Variants in ATP12A observed in about 807,000 individuals in gnomAD.
The protein encoded by ATP12A is potassium-transporting ATPase alpha chain 2.
A neutral mutation model predicts 111.2 loss-of-function variants in ATP12A; 81 were observed. The ratio of observed to expected loss-of-function variants is 0.73; its 90% confidence interval spans 0.61 to 0.88. The LOEUF (loss-of-function observed/expected upper bound fraction) is 0.88. Among genes scored for constraint, ATP12A ranks in the 40% least tolerant of loss-of-function variants. ATP12A has a pLI of 0.00. For synonymous variants in ATP12A, 498 were observed against 499.8 expected, an observed-to-expected ratio of 1.00 and a Z score of 0.05; for missense variants, 1,196 against 1,313.1, an observed-to-expected ratio of 0.91 and a Z score of 1.38.
intron 14 of ATP12A, among the ~76,000 whole-genome samples, chr13:24,704,998 CTTTT>C (rs930306375): frequency 2.0e-5 from 3 of 152,064 alleles, no homozygotes; most frequent in African/African-American, 7.2e-5. Flanking sequence ...CTCTTACTTT[CTTTT>C]GTTTTGTTTT....
intron 11 of ATP12A, among the ~76,000 whole-genome samples, chr13:24,698,342 C>T (rs1875253870): frequency 6.6e-6 from 1 of 152,056 alleles, no homozygotes; most frequent in Non-Finnish European, 1.5e-5. Context: ...AGGCTCGCAG[C>T]CCCCTAACTC....
intron 12 of ATP12A, among the ~76,000 whole-genome samples, chr13:24,699,151 C>T (rs1371251343): frequency 6.6e-6 from 1 of 152,116 alleles, no homozygotes; most frequent in Non-Finnish European, 1.5e-5. Context: ...CAGGGAACAG[C>T]ACAGGCCAAT....
rs186378575 is a variant in ATP12A, at chr13:24,689,981, C to T, written c.547-357C>T. Among the ~76,000 whole-genome samples, 320 of 152,266 alleles carry T rather than the reference C, an allele frequency of 2.1e-3. 4 individuals are homozygous for T. The highest frequency in any genetic ancestry group is 3.0e-3 in the Non-Finnish European group (204 of 68,014). ...CCAGACGCCCAGCCAGGATTGCTCACCCTTAGTGGTCTCCTTTTCTAGGAG... is the reference window on the plus strand; with the variant it reads ...CCAGACGCCCAGCCAGGATTGCTCATCCTTAGTGGTCTCCTTTTCTAGGAG... On this transcript the variant is annotated intron_variant, in intron 5 of 22. Transcript: ENST00000381946.
At chr13:24,696,285 G>A (rs999797841) in intron 11 of ATP12A, among the ~76,000 whole-genome samples, 3 of 152,124 alleles carry the variant, frequency 2.0e-5, no homozygotes, top group Non-Finnish European at 4.4e-5. Context: ...AGCAGGACTT[G>A]GAGCCCTGCT....
Position 24,707,420 on chromosome 13 carries a change from T to C in ATP12A, c.2480T>C (p.Leu827Ser), listed in dbSNP as rs758885779. The change falls in exon 17 of 23, where the codon TTG (leucine) becomes TCG (serine). Residue 827 changes from leucine (L) to serine (S), a missense_variant. This residue lies in a region of ATP12A where 1,126 missense variants were observed against 1,228.5 expected (regional missense o/e 0.92). Coordinates refer to ENST00000381946, the MANE Select transcript of ATP12A (RefSeq NM_001676.7). ...ACCATCACCATTCTGTTCATTGACT[T>C]GGGGACAGACATTGTAAGTGACACT... ...IGTITILFID[L>S]GTDIIPSIAL... 1 of 1,614,214 alleles carries C rather than the reference T, an allele frequency of 6.2e-7. No homozygotes were observed. The highest frequency in any genetic ancestry group is 1.1e-5 in the South Asian group (1 of 91,084).
rs201938406 is a variant in ATP12A, at chr13:24,692,390, T to A, written c.1069-39T>A. 1.4e-5 allele frequency: 23 copies of A among 1,598,224 alleles called. No individual in the cohort carries two copies. In the South Asian group the frequency reaches 2.4e-4, roughly 17 times the overall value. ...CTGTATTATTGGACCTGAGTTCAAA[T>A]GAGGATTTTTCCCAAAGCGTCCTTC... On this transcript the variant is annotated intron_variant, in intron 8 of 22. Coordinates refer to ENST00000381946, the MANE Select transcript of ATP12A (RefSeq NM_001676.7).
Position 24,682,361 on chromosome 13 carries a change from ATGTGTGG to A in ATP12A, c.168+655_168+661del, listed in dbSNP as rs1239406889. 8.6e-4 allele frequency among the ~76,000 whole-genome samples: 40 copies of A among 46,720 alleles called. 2 individuals carry two copies. The highest frequency in any genetic ancestry group is 3.2e-3 in the African/African-American group (37 of 11,690). The allele number at this position is 46,720 out of a possible 152,430, so 30.7% of individuals were successfully genotyped here. A position where few individuals can be genotyped will look rare whatever the true frequency, so the allele number is the denominator to read the frequency against. ...GGTGTGTGTGTAGTGTGTGGTGTAT[ATGTGTGG>A]TGTGTGGTGTGTGTGTGGTGTGTGG... On this transcript the variant is annotated intron_variant, in intron 2 of 22. Coordinates refer to ENST00000381946, the MANE Select transcript of ATP12A (RefSeq NM_001676.7).
At chr13:24,681,342 C>T (rs545751329) in intron 1 of ATP12A, among the ~76,000 whole-genome samples, 1 of 152,168 alleles carries the variant, frequency 6.6e-6, no homozygotes, top group Admixed American at 6.5e-5. Context: ...CTGGCCTGTG[C>T]CCACCCCGCC....
intron 20 of ATP12A, 42 bp from the exon 21 acceptor site, chr13:24,710,750 C>T: frequency 6.2e-7 from 1 of 1,607,980 alleles, no homozygotes; most frequent in Non-Finnish European, 8.5e-7. Context: ...GATCATGAAG[C>T]CACAAGAATC....
At position 24,688,536 on chromosome 13, in the gene ATP12A, G is replaced by GC; in HGVS notation, c.432+14_432+15insC. 5 of 1,519,184 alleles carry GC rather than the reference G, an allele frequency of 3.3e-6. No homozygotes were observed. In the South Asian group the frequency reaches 4.1e-5, roughly 12 times the overall value. 94.1% of individuals were successfully genotyped at this position (1,519,184 alleles called of 1,614,324 possible). A position where few individuals can be genotyped will look rare whatever the true frequency, so the allele number is the denominator to read the frequency against. On this transcript the variant is annotated intron_variant, in intron 4 of 22. Transcript: ENST00000381946. ...TCCCTGAACAACGTAAGGCTCTGGG[G>GC]TGTCCCCTCCTGGTTTTGCTGGCAG...
rs767088904 is a variant in ATP12A at position 24,702,071 on chromosome 13, G to A, written c.2018G>A (p.Arg673Gln). 2.5e-6 allele frequency: 4 copies of A among 1,614,060 alleles called. No individual in the cohort carries two copies. In the South Asian group the frequency reaches 3.3e-5, roughly 13 times the overall value. ...ATTGCTGTGGAGCAAGTTAACAAAC[G>A]GTAAGCACAGGAGCAGCATAGTAAA... ...LNIAVEQVNK[R>Q]DAKAAVVTGM... The change falls in exon 14 of 23, where the codon CGG becomes CAG. Residue 673 changes from arginine to glutamine, a missense_variant and splice_region_variant. Physicochemically the swap from Arg to Gln is conservative, Grantham distance 43 (BLOSUM62 1). This residue lies in a region of ATP12A where 1,126 missense variants were observed against 1,228.5 expected (regional missense o/e 0.92). Coordinates refer to ENST00000381946, the MANE Select transcript of ATP12A (RefSeq NM_001676.7).
chr13:24,698,581 C>T (rs1190827236), intron 11 of ATP12A, 77 bp from the exon 12 acceptor site: 3 of 1,457,012 alleles, frequency 2.1e-6, no homozygotes, highest in East Asian at 2.3e-5. Context: ...TCCTCCTTTA[C>T]ATTTAATGGA....
Position 24,701,918 on chromosome 13 carries a change from C to T in ATP12A, c.1882-17C>T, listed in dbSNP as rs1279828526. 4.3e-6 allele frequency: 7 copies of T among 1,614,022 alleles called. No homozygotes were observed. Among genetic ancestry groups the T allele is most frequent in the South Asian group, 2.2e-5 (2 of 91,066 alleles). On this transcript the variant is annotated splice_polypyrimidine_tract_variant and intron_variant, in intron 13 of 22. Coordinates refer to ENST00000381946, the MANE Select transcript of ATP12A (RefSeq NM_001676.7). Reference sequence around the variant, plus strand: ...GTTCTTCATTACCCGTGGGCCTTCTCGTTGTCTTTGCTCTAGGTTATTATG... The same window carrying T: ...GTTCTTCATTACCCGTGGGCCTTCTTGTTGTCTTTGCTCTAGGTTATTATG...
chr13:24,710,948 C>T (rs1178712777), intron 21 of ATP12A, 55 bp downstream of exon 21: 44 of 1,506,006 alleles, frequency 2.9e-5, no homozygotes, highest in Middle Eastern at 1.8e-4. Flanking sequence ...TTTGAGCTGT[C>T]GCAGCCTAAA....
chr13:24,700,864 AT>A lies in ATP12A; in HGVS notation c.1824del (p.Pro610LeufsTer71). On this transcript the variant is annotated frameshift_variant, in exon 13 of 23. Coordinates refer to ENST00000381946, the MANE Select transcript of ATP12A (RefSeq NM_001676.7). LOFTEE classifies it high-confidence loss of function. The stretch of plus-strand genomic sequence containing the variant: ...TTTGTGGGACTCTTGTCAATGATCG[AT>A]CCCCCTCGGTCCACCGTGCCAGATG... ...LCFVGLLSMI[D>X]PPRSTVPDAV... 1 of 1,614,132 alleles carries A rather than the reference AT, an allele frequency of 6.2e-7. No individual in the cohort carries two copies. Among genetic ancestry groups the A allele is most frequent in the Non-Finnish European group, 8.5e-7 (1 of 1,180,032 alleles).
rs746736150 is a variant in ATP12A at position 24,707,475 on chromosome 13, G to A, written c.2493+42G>A. 5.6e-6 allele frequency: 9 copies of A among 1,611,784 alleles called. No homozygotes were observed. The South Asian group carries it at 9.9e-5, about 18-fold the overall frequency. Reference sequence around the variant, plus strand: ...GGAACAGGCTGTGATGCCTGCCCCAGGGGAGGTCAAGTTCAGGGTCGCTAC... The same window carrying A: ...GGAACAGGCTGTGATGCCTGCCCCAAGGGAGGTCAAGTTCAGGGTCGCTAC... On this transcript the variant is annotated intron_variant, in intron 17 of 22. Transcript: ENST00000381946.
rs1229619913 is a variant in ATP12A, at chr13:24,704,686, T to C, written c.2019-1627T>C. 1.8e-4 allele frequency: 39 copies of C among 222,432 alleles called. 1 individual carries two copies. In the South Asian group the frequency reaches 2.3e-3, roughly 13 times the overall value. The allele number at this position is 222,432 out of a possible 1,614,324, so 13.8% of individuals were successfully genotyped here. Reference sequence around the variant, plus strand: ...AGAATGTGCTTCTGTCTCAGCTCTTTGGAACGAGAGAAAGACATAATCTTC... The same window carrying C: ...AGAATGTGCTTCTGTCTCAGCTCTTCGGAACGAGAGAAAGACATAATCTTC... On this transcript the variant is annotated intron_variant, in intron 14 of 22. Transcript: ENST00000381946.
Position 24,681,634 on chromosome 13 carries a change from AAGG to A in ATP12A, c.85_87del (p.Glu29del), listed in dbSNP as rs1874437732. ...CGTGAAAACAGACAAGGGGGATGGC[AAGG>A]AGAAGTATAGGGGTCTGAAGAACAA... On this transcript the variant is annotated inframe_deletion, in exon 2 of 23. Coordinates refer to ENST00000381946, the MANE Select transcript of ATP12A (RefSeq NM_001676.7). 6.2e-7 allele frequency: 1 copy of A among 1,614,216 alleles called. No homozygotes were observed. The highest frequency in any genetic ancestry group is 8.5e-7 in the Non-Finnish European group (1 of 1,180,042).
Position 24,698,732 on chromosome 13 carries a change from C to T in ATP12A, c.1587C>T (p.Ile529=), listed in dbSNP as rs2289901. ...TGATGAAGGGGGCCCCTGAGCGCAT[C>T]CTAGAGAAATGCAGCACCATCATGA... ...LMVMKGAPER[I]LEKCSTIMIN... is the part of the protein sequence containing the mutation. Residue 529 remains isoleucine, a synonymous_variant, in exon 12 of 23, where the codon ATC becomes ATT. Coordinates refer to ENST00000381946, the MANE Select transcript of ATP12A (RefSeq NM_001676.7). 0.16 allele frequency: 264,925 copies of T among 1,613,830 alleles called. 25,655 individuals are homozygous for T. The highest frequency in any genetic ancestry group is 0.44 in the African/African-American group (32,679 of 74,942).
Sources: allele counts gnomAD v4.1 joint callset (sites outside exome capture counted in the v4.1 genomes callset), GRCh38; gene constraint gnomAD v4.1.1; regional missense constraint gnomAD v4.1.1; transcripts MANE v1.5; gene names NCBI Gene and HGNC (gene_info 2026-07-23, HGNC 2026-07-21).